Variants in ATP8B4 observed in about 807,000 individuals in gnomAD.
ATP8B4 encodes probable phospholipid-transporting ATPase IM.
A neutral mutation model predicts 145.6 loss-of-function variants in ATP8B4; 133 were observed. The ratio of observed to expected loss-of-function variants is 0.91; its 90% CI spans 0.79 to 1.05. The LOEUF (loss-of-function observed/expected upper bound fraction) is 1.05, where lower values mean the gene tolerates loss of function less well. Among genes scored for constraint, ATP8B4 ranks in the 50% least tolerant of loss-of-function variants. The pLI is 0.00. For missense variants in ATP8B4, 1,458 were observed against 1,425.2 expected, an observed-to-expected ratio of 1.02 and a Z score of -0.37; for synonymous variants, 507 against 492.9, an observed-to-expected ratio of 1.03 and a Z score of -0.38.
At chr15:50,024,248 T>C (rs866954881) in intron 6 of ATP8B4, among the ~76,000 whole-genome samples, 13 of 152,064 alleles carry the variant, frequency 8.5e-5, no homozygotes, top group Non-Finnish European at 4.4e-5. Context: ...ATGATAGAGG[T>C]AGGTTATTTC....
At position 50,127,884 on chromosome 15, in the gene ATP8B4, G is replaced by A. The variant is rs1331486174; in HGVS notation, c.-42-20876C>T. ...TTAATTTCAGATGAACAATACCAAG[G>A]TGTGCCTCACTGTGGTTCTGCACAC... On this transcript the variant is annotated intron_variant, in intron 1 of 3. Coordinates refer to the ATP8B4 transcript ENST00000558829. 5.9e-5 allele frequency among the ~76,000 whole-genome samples: 9 copies of A among 152,250 alleles called. No homozygotes were observed. The South Asian group carries it at 1.7e-3, about 28-fold the overall frequency.
chr15:50,022,144 G>A (rs1000714474), intron 6 of ATP8B4, among the ~76,000 whole-genome samples: 12 of 106,446 alleles, frequency 1.1e-4, no homozygotes, highest in African/African-American at 5.9e-4. Context: ...TTGCATATAT[G>A]TATATTTGCC....
At chr15:49,983,948 CAT>C (rs1180023960) in intron 10 of ATP8B4, among the ~76,000 whole-genome samples, 1 of 152,234 alleles carries the variant, frequency 6.6e-6, no homozygotes, top group Non-Finnish European at 1.5e-5. Flanking sequence ...TACTGAAAAT[CAT>C]ATGAGTGAAG....
At chr15:49,955,714 A>C (rs1408170625) in intron 14 of ATP8B4, among the ~76,000 whole-genome samples, 2 of 152,236 alleles carry the variant, frequency 1.3e-5, no homozygotes, top group Non-Finnish European at 2.9e-5. Flanking sequence ...AAATCCTGTC[A>C]TGCTACAATA....
intron 23 of ATP8B4, among the ~76,000 whole-genome samples, chr15:49,881,123 A>G (rs1468910332): frequency 6.7e-6 from 1 of 149,878 alleles, no homozygotes; most frequent in Non-Finnish European, 1.5e-5. Flanking sequence ...AAACAAACAA[A>G]CAAACAAACA....
chr15:50,107,372 G>A (rs1020463266), intron 1 of ATP8B4, among the ~76,000 whole-genome samples: 2 of 152,172 alleles, frequency 1.3e-5, no homozygotes, highest in East Asian at 3.8e-4. Flanking sequence ...ACAAGCCACA[G>A]CTGAGAACCA....
chr15:49,954,793 T>C (rs1435276225), intron 14 of ATP8B4, among the ~76,000 whole-genome samples: 1 of 152,178 alleles, frequency 6.6e-6, no homozygotes, highest in Non-Finnish European at 1.5e-5. Context: ...ACAGTTGAAC[T>C]ACCATTTGAC....
At position 49,920,593 on chromosome 15, in the gene ATP8B4, C is replaced by T. The variant is rs557341250; in HGVS notation, c.1759-183G>A. ...AAATGGGAGATAATGTGTGTGTTTT[C>T]CGTTTTATTTCTATGAGGTTAAAAC... On this transcript the variant is annotated intron_variant, in intron 17 of 27. Coordinates refer to ENST00000284509, the MANE Select transcript of ATP8B4 (RefSeq NM_024837.4). Among the ~76,000 whole-genome samples, 14 of 152,318 alleles carry T rather than the reference C, an allele frequency of 9.2e-5. 1 individual carries two copies. The South Asian group carries it at 2.7e-3, about 29-fold the overall frequency.
chr15:49,932,622 C>T (rs751575153), intron 15 of ATP8B4, among the ~76,000 whole-genome samples: 17 of 151,968 alleles, frequency 1.1e-4, no homozygotes, highest in Non-Finnish European at 1.9e-4. Flanking sequence ...AGGTCAGAGA[C>T]TGAGAAAAAG....
chr15:49,981,139 C>A (rs2046115556), intron 11 of ATP8B4, 67 bp downstream of exon 11: 3 of 1,330,422 alleles, frequency 2.3e-6, no homozygotes, highest in Middle Eastern at 1.8e-4. Flanking sequence ...TAAAGAATTC[C>A]CAGCAAGATT....
intron 23 of ATP8B4, among the ~76,000 whole-genome samples, chr15:49,888,532 C>T (rs533550805): frequency 6.6e-6 from 1 of 152,242 alleles, no homozygotes; most frequent in Admixed American, 6.5e-5. Context: ...TAATTTTAAG[C>T]ATGAATTTTC....
intron 1 of ATP8B4, among the ~76,000 whole-genome samples, chr15:50,172,999 G>GTCCGGGAGGTGGGGGGCAGCCCCCA (rs1320660260): frequency 2.0e-5 from 3 of 149,160 alleles, no homozygotes; most frequent in Non-Finnish European, 4.5e-5. Flanking sequence ...CAGCCGCCCC[G>GTCCGGGAGGTGGGGGGCAGCCCCCA]TCCGGGAGGT....
At chr15:49,930,719 G>A (rs1380623432) in intron 16 of ATP8B4, among the ~76,000 whole-genome samples, 1 of 151,976 alleles carries the variant, frequency 6.6e-6, no homozygotes, top group East Asian at 1.9e-4. Context: ...GCGAACCTGG[G>A]CAAGTTACTC....
Position 49,867,723 on chromosome 15 carries a change from G to C in ATP8B4, c.3028-1239C>G, listed in dbSNP as rs140674974. 8.3e-3 allele frequency among the ~76,000 whole-genome samples: 1,262 copies of C among 152,260 alleles called. 15 individuals are homozygous for C. Among genetic ancestry groups the C allele is most frequent in the African/African-American group, 0.028 (1,174 of 41,544 alleles). On this transcript the variant is annotated intron_variant, in intron 25 of 27. Coordinates refer to ENST00000284509, the MANE Select transcript of ATP8B4 (RefSeq NM_024837.4). ...GGCTCCTATTGAAGCAGAACTAATA[G>C]AAGAGACAGACAAGCACGATAACAA...
intron 1 of ATP8B4, among the ~76,000 whole-genome samples, chr15:50,160,133 A>G (rs1460852447): frequency 7.1e-6 from 1 of 141,178 alleles, no homozygotes; most frequent in Non-Finnish European, 1.5e-5. Flanking sequence ...GGTAGGTTGT[A>G]TATGTCTAGG....
intron 12 of ATP8B4, among the ~76,000 whole-genome samples, chr15:49,975,988 T>C (rs2045624736): frequency 6.6e-6 from 1 of 152,150 alleles, no homozygotes; most frequent in Admixed American, 6.6e-5. Context: ...AGTGAGAAAG[T>C]TGGGCTAGAT....
chr15:50,005,922 C>T (rs1047595446), intron 7 of ATP8B4, among the ~76,000 whole-genome samples: 45 of 147,842 alleles, frequency 3.0e-4, no homozygotes, highest in Admixed American at 1.3e-4. Context: ...TTTTGGATCG[C>T]CTTTTATTTT....
chr15:49,913,124 C>CTTTTTT (rs543634812), intron 20 of ATP8B4, among the ~76,000 whole-genome samples: 8,053 of 137,908 alleles, frequency 0.058, 287 homozygotes, highest in African/African-American at 0.074. Context: ...GAGCACCTGG[C>CTTTTTT]TTTTTTTTTT....
chr15:50,167,684 G>T (rs1304497267), intron 1 of ATP8B4, among the ~76,000 whole-genome samples: 1 of 152,136 alleles, frequency 6.6e-6, no homozygotes, highest in Non-Finnish European at 1.5e-5. Context: ...ACTTAACTAG[G>T]AATCAGAAAA....
Sources: gnomAD v4.1 joint callset for allele counts (sites outside exome capture counted in the v4.1 genomes callset) on GRCh38, gnomAD v4.1.1 for gene constraint, MANE v1.5 for transcripts, NCBI Gene and HGNC (gene_info 2026-07-23, HGNC 2026-07-21) for gene names.